Variants in NIPBL observed in about 807,000 individuals in gnomAD.
NIPBL encodes NIPBL cohesin loading factor.
In NIPBL, 19 loss-of-function variants were observed where a neutral mutation model predicts 321.8. That is an observed-to-expected ratio of 0.06 (90% CI 0.04 to 0.09). The LOEUF is 0.09. Among genes scored for constraint, NIPBL ranks in the 10% least tolerant of loss-of-function variants. The pLI, the probability that NIPBL is intolerant of heterozygous loss-of-function variation, is 1.00. For missense variants in NIPBL, 2,210 were observed against 3,327.0 expected, an observed-to-expected ratio of 0.66 and a Z score of 8.26; for synonymous variants, 1,106 against 1,114.1, an observed-to-expected ratio of 0.99 and a Z score of 0.14.
chr5:37,027,364 A>G lies in NIPBL; in HGVS notation c.5814A>G (p.Ala1938=), dbSNP rs375622324. 2 of 1,611,274 alleles carry G rather than the reference A, an allele frequency of 1.2e-6. No homozygotes were observed. The highest frequency in any genetic ancestry group is 1.7e-6 in the Non-Finnish European group (2 of 1,177,622). The change falls in exon 32 of 47, where the codon GCA becomes GCG. Residue 1938 remains alanine, a synonymous_variant. Coordinates refer to ENST00000282516, the MANE Select transcript of NIPBL (RefSeq NM_133433.4). ...RKILNITDVV[A]ACRDTGYDWF... The stretch of plus-strand genomic sequence containing the variant: ...ATTCTTTTCATCACCCTTAGGTTGC[A>G]GCATGCAGAGATACTGGATATGACT...
At chr5:36,997,886 A>G (rs1374401688) in intron 11 of NIPBL, among the ~76,000 whole-genome samples, 1 of 151,244 alleles carries the variant, frequency 6.6e-6, no homozygotes, top group African/African-American at 2.4e-5. Flanking sequence ...GAGAGAGAGA[A>G]AAAAAAATTT....
At chr5:36,952,323 A>G (rs1740474137) in intron 1 of NIPBL, among the ~76,000 whole-genome samples, 1 of 152,102 alleles carries the variant, frequency 6.6e-6, no homozygotes, top group Non-Finnish European at 1.5e-5. Flanking sequence ...AGCAAATACA[A>G]CCTTAAAAAG....
intron 4 of NIPBL, among the ~76,000 whole-genome samples, chr5:36,960,543 AC>A (rs1310683936): frequency 3.3e-5 from 5 of 152,194 alleles, no homozygotes; most frequent in African/African-American, 1.2e-4. Flanking sequence ...CGATTTTGAA[AC>A]CTAATTTCAT....
At chr5:36,917,687 A>G (rs1473102871) in intron 1 of NIPBL, among the ~76,000 whole-genome samples, 1 of 152,034 alleles carries the variant, frequency 6.6e-6, no homozygotes, top group Non-Finnish European at 1.5e-5. Flanking sequence ...ATCCTTCTTG[A>G]ATTAATTTTT....
intron 1 of NIPBL, among the ~76,000 whole-genome samples, chr5:36,939,508 G>A (rs142987364): frequency 0.014 from 2,085 of 152,240 alleles, 54 homozygotes; most frequent in Admixed American, 0.06. Context: ...GCAGTCTGTA[G>A]TATGGCTCTA....
At chr5:36,898,008 G>A (rs530365210) in intron 1 of NIPBL, among the ~76,000 whole-genome samples, 1 of 151,820 alleles carries the variant, frequency 6.6e-6, no homozygotes, top group East Asian at 1.9e-4. Context: ...GAACAAAAGA[G>A]GAAAAAATAA....
rs773366068 is a variant in NIPBL, at chr5:36,985,470, A to C, written c.2290A>C (p.Asn764His). ...RPETPKHRHD[N>H]RRDSGKPSTE... ...TGAAACACCAAAACACAGGCATGAC[A>C]ATAGGAGGGATTCTGGAAAGCCATC... The change falls in exon 10 of 47, where the codon AAT (asparagine) becomes CAT (histidine). Residue 764 changes from asparagine (N) to histidine (H), a missense_variant. This residue lies in a region of NIPBL where 588 missense variants were observed against 564.1 expected (regional missense o/e 1.04). Transcript: ENST00000282516. 6 of 1,613,494 alleles carry C rather than the reference A, an allele frequency of 3.7e-6. No homozygotes were observed. The South Asian group carries it at 5.5e-5, about 15-fold the overall frequency.
chr5:37,044,262 T>C, intron 34 of NIPBL, 85 bp from the exon 35 acceptor site: 1 of 1,292,414 alleles, frequency 7.7e-7, no homozygotes, highest in Non-Finnish European at 1.1e-6. Flanking sequence ...CAAAATGCCC[T>C]ATTTCTGCCC....
In NIPBL at chr5:36,882,876, C is replaced by CT. The variant is rs542743650; in HGVS notation, c.-80+5707dup. ...AGCTGATTCATTATTTGATTATAGT[C>CT]TTTTTTTTTAAAAAAAAAACCCACC... On this transcript the variant is annotated intron_variant, in intron 1 of 46. Transcript: ENST00000282516. Among the ~76,000 whole-genome samples, 281 of 148,832 alleles carry CT rather than the reference C, an allele frequency of 1.9e-3. 1 individual carries two copies. Among genetic ancestry groups the CT allele is most frequent in the South Asian group, 7.9e-3 (37 of 4,698 alleles).
chr5:36,971,046 A>G lies in NIPBL; in HGVS notation c.771+10A>G, dbSNP rs1288581400. 2 of 1,606,140 alleles carry G rather than the reference A, an allele frequency of 1.2e-6. No homozygotes were observed. The highest frequency in any genetic ancestry group is 1.7e-6 in the Non-Finnish European group (2 of 1,172,890). On this transcript the variant is annotated intron_variant, in intron 7 of 46. Coordinates refer to ENST00000282516, the MANE Select transcript of NIPBL (RefSeq NM_133433.4). ...CAGGCTAAGTAGTGACGTATGTAATATATTATCATTAAGGTGATAAAATAG... is the reference window on the plus strand; with the variant it reads ...CAGGCTAAGTAGTGACGTATGTAATGTATTATCATTAAGGTGATAAAATAG...
At chr5:37,007,595 A>G (rs1295190972) in intron 18 of NIPBL, 121 bp downstream of exon 18, 4 of 679,186 alleles carry the variant, frequency 5.9e-6, no homozygotes, top group Non-Finnish European at 9.9e-6. Flanking sequence ...TGTTAAGAGT[A>G]TGTTATATCT....
At chr5:36,968,679 A>G (rs776406425) in intron 6 of NIPBL, among the ~76,000 whole-genome samples, 45 of 152,332 alleles carry the variant, frequency 3.0e-4, no homozygotes, top group Non-Finnish European at 4.4e-4. Flanking sequence ...TGTGCAATAC[A>G]GCAAGACCCC....
chr5:36,926,793 A>T (rs1379078317), intron 1 of NIPBL, among the ~76,000 whole-genome samples: 2 of 152,218 alleles, frequency 1.3e-5, no homozygotes, highest in Admixed American at 6.5e-5. Flanking sequence ...TAGGCATGCC[A>T]TGAGTACTAA....
intron 42 of NIPBL, among the ~76,000 whole-genome samples, chr5:37,053,187 T>A (rs1753752702): frequency 6.6e-6 from 1 of 152,156 alleles, no homozygotes; most frequent in Non-Finnish European, 1.5e-5. Flanking sequence ...AACCTAGATG[T>A]TGTAGCCTAC....
rs898361480 is a variant in NIPBL at position 37,007,328 on chromosome 5, T to C, written c.4093T>C (p.Leu1365=). ...VYRLDPHGGG[L]LSSKAKRAKC... ...TTGAATTTGTTTCATTTTAGGAGGC[T>C]TATTAAGTTCAAAAGCAAAACGGGC... is the stretch of plus-strand genomic sequence containing the variant. The change falls in exon 18 of 47, where the codon TTA becomes CTA. Residue 1365 remains leucine, a synonymous_variant. Coordinates refer to ENST00000282516, the MANE Select transcript of NIPBL (RefSeq NM_133433.4). 2.5e-6 allele frequency: 4 copies of C among 1,611,408 alleles called. No individual in the cohort carries two copies. Among genetic ancestry groups the C allele is most frequent in the Non-Finnish European group, 3.4e-6 (4 of 1,178,216 alleles).
intron 1 of NIPBL, chr5:36,885,690 G>T: frequency 1.7e-6 from 1 of 579,678 alleles, no homozygotes; most frequent in Non-Finnish European, 3.3e-6. Flanking sequence ...GCTGCTGATG[G>T]CTTTAGAGTC....
chr5:36,890,752 T>A (rs1746261404), intron 1 of NIPBL, among the ~76,000 whole-genome samples: 1 of 152,224 alleles, frequency 6.6e-6, no homozygotes, highest in Non-Finnish European at 1.5e-5. Context: ...AGAAAGTGCT[T>A]TTCTGCAGAA....
At chr5:36,976,481 T>G in intron 9 of NIPBL, 79 bp downstream of exon 9, 2 of 1,395,272 alleles carry the variant, frequency 1.4e-6, no homozygotes, top group Non-Finnish European at 2.0e-6. Context: ...TTCACATTAC[T>G]TTTTTCCCGA....
rs1226281735 is a variant in NIPBL, at chr5:36,933,619, ATTT to A, written c.-79-19995_-79-19993del. ...TCTAATGGTAATTTTTGATCATTTAATTTTTTAATTTAATTAAATCTAAGGCTG... is the reference window on the plus strand; with the variant it reads ...TCTAATGGTAATTTTTGATCATTTAATTTAATTTAATTAAATCTAAGGCTG... On this transcript the variant is annotated intron_variant, in intron 1 of 46. Coordinates refer to ENST00000282516, the MANE Select transcript of NIPBL (RefSeq NM_133433.4). Among the ~76,000 whole-genome samples the A allele has an allele frequency of 1.8e-4, 27 of 152,144 alleles. No homozygotes were observed. The East Asian group carries it at 3.3e-3, about 18-fold the overall frequency.
Sources: allele counts gnomAD v4.1 joint callset (sites outside exome capture counted in the v4.1 genomes callset), GRCh38; gene constraint gnomAD v4.1.1; regional missense constraint gnomAD v4.1.1; transcripts MANE v1.5; gene names NCBI Gene and HGNC (gene_info 2026-07-23, HGNC 2026-07-21).